TCF7L1: variants seen among roughly 807,000 people sequenced by gnomAD.
The protein encoded by TCF7L1 is transcription factor 7 like 1.
A neutral mutation model predicts 63.7 loss-of-function variants in TCF7L1; 18 were observed. That is an observed-to-expected ratio of 0.28 (90% confidence interval 0.20 to 0.42). TCF7L1 has a LOEUF of 0.42. TCF7L1 is among the 10% of genes least tolerant of loss of function. TCF7L1 has a pLI of 1.00. For synonymous variants in TCF7L1, 355 were observed against 340.9 expected, an observed-to-expected ratio of 1.04 and a Z score of -0.46; for missense variants, 654 against 779.3, an observed-to-expected ratio of 0.84 and a Z score of 1.91.
chr2:85,164,183 C>T (rs561824440), intron 3 of TCF7L1, among the ~76,000 whole-genome samples: 200 of 152,330 alleles, frequency 1.3e-3, no homozygotes, highest in African/African-American at 3.5e-3. Flanking sequence ...GGCTGGTTGC[C>T]TGTCAGCGTT....
intron 3 of TCF7L1, among the ~76,000 whole-genome samples, chr2:85,207,083 A>C (rs1191255386): frequency 6.6e-6 from 1 of 152,258 alleles, no homozygotes; most frequent in East Asian, 1.9e-4. Flanking sequence ...TGCAGAACAA[A>C]TAGGAATTTA....
intron 3 of TCF7L1, among the ~76,000 whole-genome samples, chr2:85,244,106 G>C (rs116362011): frequency 0.01 from 1,523 of 152,298 alleles, 22 homozygotes; most frequent in African/African-American, 0.035. Flanking sequence ...AACAGCAGGT[G>C]CAAAGGGGAT....
chr2:85,208,999 G>T (rs1679482320), intron 3 of TCF7L1, among the ~76,000 whole-genome samples: 1 of 152,088 alleles, frequency 6.6e-6, no homozygotes. Context: ...TAGAATAACG[G>T]GGTCAAATAT....
chr2:85,180,123 C>G (rs1678768571), intron 3 of TCF7L1, among the ~76,000 whole-genome samples: 1 of 150,872 alleles, frequency 6.6e-6, no homozygotes, highest in Non-Finnish European at 1.5e-5. Flanking sequence ...GGGGAGAGGG[C>G]CGAGAAGATC....
intron 3 of TCF7L1, among the ~76,000 whole-genome samples, chr2:85,231,172 T>C (rs944035248): frequency 6.6e-6 from 1 of 152,136 alleles, no homozygotes; most frequent in African/African-American, 2.4e-5. Context: ...CCTGTTGAGG[T>C]GGGTCTGTTA....
chr2:85,302,731 T>A, intron 5 of TCF7L1, 115 bp downstream of exon 5: 1 of 1,366,392 alleles, frequency 7.3e-7, no homozygotes, highest in Non-Finnish European at 9.9e-7. Flanking sequence ...GCTCTTTGTC[T>A]CAGGAGTCTT....
At chr2:85,213,956 G>T (rs1158020972) in intron 3 of TCF7L1, among the ~76,000 whole-genome samples, 1 of 152,208 alleles carries the variant, frequency 6.6e-6, no homozygotes, top group East Asian at 1.9e-4. Context: ...GTGCATGGAT[G>T]GGGGGCTTCC....
chr2:85,134,777 C>T lies in TCF7L1; in HGVS notation c.441+327C>T, dbSNP rs912669095. 1.2e-4 allele frequency among the ~76,000 whole-genome samples: 19 copies of T among 152,336 alleles called. No homozygotes were observed. The highest frequency in any genetic ancestry group is 3.1e-4 in the African/African-American group (13 of 41,578). On this transcript the variant is annotated intron_variant, in intron 3 of 11. Coordinates refer to ENST00000282111, the MANE Select transcript of TCF7L1 (RefSeq NM_031283.3). This position sits in a 1 kb window ranked among gnomAD's most constrained non-coding sequence, Gnocchi z 5.0. ...GCTTTGGGGGGGTCTCGCTTTCCTT[C>T]TTGGAAATCGGTCAGCTTTCTCTGG...
chr2:85,239,772 A>C (rs111323175), intron 3 of TCF7L1, among the ~76,000 whole-genome samples: 4 of 151,974 alleles, frequency 2.6e-5, no homozygotes, highest in African/African-American at 9.6e-5. Flanking sequence ...ATGAAACCCC[A>C]TCTCTACTAA....
At chr2:85,249,483 C>T (rs184071936) in intron 3 of TCF7L1, among the ~76,000 whole-genome samples, 36 of 152,204 alleles carry the variant, frequency 2.4e-4, no homozygotes, top group Admixed American at 7.2e-4. Context: ...TTTTTTCCCT[C>T]CAGAAGTGGA....
chr2:85,284,398 T>G (rs1573025532), intron 4 of TCF7L1, among the ~76,000 whole-genome samples: 1 of 152,210 alleles, frequency 6.6e-6, no homozygotes, highest in East Asian at 1.9e-4. Context: ...GAGCCTCTTC[T>G]GCCAGGCCCT....
chr2:85,302,397 C>A, intron 4 of TCF7L1, 87 bp from the exon 5 acceptor site: 1 of 1,582,270 alleles, frequency 6.3e-7, no homozygotes, highest in South Asian at 1.1e-5. Context: ...TGGAAAATAC[C>A]TGGCACTTAC....
chr2:85,180,262 TG>T (rs1201804761), intron 3 of TCF7L1, among the ~76,000 whole-genome samples: 1 of 151,374 alleles, frequency 6.6e-6, no homozygotes, highest in African/African-American at 2.4e-5. Context: ...GACAGGGTCT[TG>T]CTATGTTGTA....
At chr2:85,158,760 A>G (rs996632793) in intron 3 of TCF7L1, among the ~76,000 whole-genome samples, 3 of 152,214 alleles carry the variant, frequency 2.0e-5, no homozygotes, top group Non-Finnish European at 4.4e-5. Context: ...ACAGCATGCT[A>G]ATTTCTCTCT....
At chr2:85,163,738 G>A (rs909803205) in intron 3 of TCF7L1, among the ~76,000 whole-genome samples, 15 of 152,130 alleles carry the variant, frequency 9.9e-5, no homozygotes, top group African/African-American at 3.1e-4. Context: ...GAGGCTGTGC[G>A]GGAGGGATCT....
At chr2:85,204,350 C>G (rs1233128959) in intron 3 of TCF7L1, among the ~76,000 whole-genome samples, 1 of 128,620 alleles carries the variant, frequency 7.8e-6, no homozygotes, top group Admixed American at 9.3e-5. Context: ...AGTACATACG[C>G]GCTTACCTCA....
chr2:85,201,355 G>C (rs1324547074), intron 3 of TCF7L1, among the ~76,000 whole-genome samples: 1 of 152,156 alleles, frequency 6.6e-6, no homozygotes, highest in Non-Finnish European at 1.5e-5. Context: ...CAAAAGTTTT[G>C]ATAAATTTTA....
intron 3 of TCF7L1, among the ~76,000 whole-genome samples, chr2:85,280,157 G>A (rs564455772): frequency 1.3e-5 from 2 of 152,082 alleles, no homozygotes; most frequent in African/African-American, 2.4e-5. Flanking sequence ...TCTCAGTTGC[G>A]GGAGGGAAGA....
intron 3 of TCF7L1, among the ~76,000 whole-genome samples, chr2:85,210,904 G>C (rs557339797): frequency 6.6e-6 from 1 of 152,226 alleles, no homozygotes; most frequent in Admixed American, 6.5e-5. Context: ...CCTGCCTAAG[G>C]GTCACATAGC....
Sources: gnomAD v4.1 joint callset for allele counts (sites outside exome capture counted in the v4.1 genomes callset) on GRCh38, gnomAD v4.1.1 for gene constraint, Gnocchi (gnomAD v3.1) non-coding constraint, MANE v1.5 for transcripts, NCBI Gene and HGNC (gene_info 2026-07-23, HGNC 2026-07-21) for gene names.